Variants in SLC26A3 observed in about 807,000 individuals in gnomAD.
The protein encoded by SLC26A3 is solute carrier family 26 member 3, also known as chloride anion exchanger.
Under a neutral mutation model 85.6 loss-of-function variants are expected in SLC26A3, and 64 were observed. The observed-to-expected ratio is 0.75, with a 90% CI of 0.61 to 0.92. The LOEUF is 0.92. Ranked by LOEUF, SLC26A3 falls within the 40% of genes least tolerant of loss-of-function variation. SLC26A3 has a pLI of 0.00. For missense variants in SLC26A3, 922 were observed against 927.3 expected, an observed-to-expected ratio of 0.99 and a Z score of 0.07; for synonymous variants, 349 against 336.0, an observed-to-expected ratio of 1.04 and a Z score of -0.42.
In SLC26A3 at chr7:107,782,746, G is replaced by A. The variant is rs755884815; in HGVS notation, c.1311+51C>T. 4.0e-6 allele frequency: 6 copies of A among 1,511,770 alleles called. No homozygotes were observed. The South Asian group carries it at 4.5e-5, about 11-fold the overall frequency. The allele number at this position is 1,511,770 out of a possible 1,614,324, so 93.6% of individuals were successfully genotyped here. ...TGTGCTTTCAGAATTTAAGAACCGG[G>A]GTCCTTGATTTACCACTAAAAGTAG... On this transcript the variant is annotated intron_variant, in intron 11 of 20. Transcript: ENST00000340010.
intron 8 of SLC26A3, 56 bp downstream of exon 8, chr7:107,786,771 C>T (rs1240071123): frequency 3.5e-6 from 5 of 1,415,892 alleles, no homozygotes; most frequent in Non-Finnish European, 5.0e-6. Context: ...TCTCCTGTCA[C>T]TACTGCTAAC....
chr7:107,797,739 C>CATTTT, intron 1 of SLC26A3, among the ~76,000 whole-genome samples: 1 of 70,536 alleles, frequency 1.4e-5, no homozygotes, highest in African/African-American at 8.3e-5. Context: ...TTGAGCAGGA[C>CATTTT]CTTTTTTTTT....
At position 107,765,721 on chromosome 7, in the gene SLC26A3, T is replaced by A; in HGVS notation, c.*134A>T. 1.4e-6 allele frequency: 1 copy of A among 691,558 alleles called. No homozygotes were observed. The allele number at this position is 691,558 out of a possible 1,614,324, so 42.8% of individuals were successfully genotyped here. ...TGAAAAATATGCCATGCTAGAACCA[T>A]CTTGTTCCAAAGTTTGAAACATATT... On this transcript the variant is annotated 3_prime_UTR_variant, in exon 21 of 21. Transcript: ENST00000340010.
chr7:107,766,968 A>G (rs1271761545), intron 20 of SLC26A3, among the ~76,000 whole-genome samples: 3 of 151,924 alleles, frequency 2.0e-5, no homozygotes, highest in Non-Finnish European at 2.9e-5. Flanking sequence ...CCTGCCATCT[A>G]CCTGGCCTAC....
chr7:107,782,736 T>A, intron 11 of SLC26A3, 61 bp downstream of exon 11: 1 of 1,481,640 alleles, frequency 6.7e-7, no homozygotes, highest in Non-Finnish European at 9.4e-7. Flanking sequence ...TTTCAGAATT[T>A]AAGAACCGGG....
At chr7:107,768,096 A>G (rs759340224) in intron 18 of SLC26A3, among the ~76,000 whole-genome samples, 188 bp from the exon 19 acceptor site, 7 of 152,204 alleles carry the variant, frequency 4.6e-5, no homozygotes, top group East Asian at 1.9e-4. Flanking sequence ...ACTAACAAAT[A>G]CCTTTCTAAT....
In SLC26A3 at chr7:107,791,583, A is replaced by G. The variant is rs941406581; in HGVS notation, c.382+247T>C. On this transcript the variant is annotated intron_variant, in intron 4 of 20. Transcript: ENST00000340010. ...GCTGAGATCGTGCCACTGCACTCCA[A>G]CCTGGGCCACAAGAGCAAAACTCCG... Among the ~76,000 whole-genome samples, 7 of 152,126 alleles carry G rather than the reference A, an allele frequency of 4.6e-5. 1 individual carries two copies. The South Asian group carries it at 6.2e-4, about 14-fold the overall frequency.
chr7:107,791,840 G>C lies in SLC26A3; in HGVS notation c.372C>G (p.His124Gln). 1.9e-6 allele frequency: 3 copies of C among 1,604,458 alleles called. No homozygotes were observed. Among genetic ancestry groups the C allele is most frequent in the Non-Finnish European group, 2.6e-6 (3 of 1,171,306 alleles). ...IIYLFFGTSRHISVGPFPILS... is the reference protein window; with the variant it reads ...IIYLFFGTSRQISVGPFPILS... ...CAGTAACTGACTTACCCACGGATAT[G>C]TGTCTGGAAGTGCCGAAGAAAAGGT... is the stretch of plus-strand genomic sequence containing the variant. The change falls in exon 4 of 21, where the codon CAC (histidine) becomes CAG (glutamine). Residue 124 changes from histidine to glutamine, a missense_variant. Coordinates refer to ENST00000340010, the MANE Select transcript of SLC26A3 (RefSeq NM_000111.3).
chr7:107,769,923 A>G lies in SLC26A3; in HGVS notation c.2063-2015T>C, dbSNP rs373498939. On this transcript the variant is annotated intron_variant, in intron 18 of 20. Transcript: ENST00000340010. ...TCACTTCGTTCTAGTCTGTACTCAA[A>G]ATGTCATATTGCTGGACATCCCTGA... 1.3e-4 allele frequency among the ~76,000 whole-genome samples: 19 copies of G among 151,592 alleles called. No individual in the cohort carries two copies. In the East Asian group the frequency reaches 3.5e-3, roughly 28 times the overall value.
At chr7:107,788,784 C>CTTT (rs71861759) in intron 6 of SLC26A3, among the ~76,000 whole-genome samples, 5 of 108,064 alleles carry the variant, frequency 4.6e-5, no homozygotes, top group Admixed American at 1.1e-4. Context: ...TTTTTCTTTT[C>CTTT]TTTTTTTTTT....
At position 107,783,366 on chromosome 7, in the gene SLC26A3, T is replaced by G. The variant is rs188133558; in HGVS notation, c.972-14A>C. The G allele has an allele frequency of 2.2e-4, 362 of 1,614,074 alleles. 2 individuals are homozygous for G. The East Asian group carries it at 6.8e-3, about 30-fold the overall frequency. ...GGGGGCTGAAATCTAAAATTGAAAT[T>G]AAGCAAGTCTGAATGTCACCAACCA... On this transcript the variant is annotated splice_polypyrimidine_tract_variant and intron_variant, in intron 8 of 20. Transcript: ENST00000340010.
At chr7:107,773,611 T>C (rs1794060828) in intron 17 of SLC26A3, among the ~76,000 whole-genome samples, 1 of 152,208 alleles carries the variant, frequency 6.6e-6, no homozygotes, top group African/African-American at 2.4e-5. Flanking sequence ...AGTGCAGTGG[T>C]GCAATTTCGG....
At chr7:107,771,777 C>T (rs1019607575) in intron 18 of SLC26A3, among the ~76,000 whole-genome samples, 11 of 152,130 alleles carry the variant, frequency 7.2e-5, no homozygotes, top group Non-Finnish European at 1.5e-4. Flanking sequence ...AACAAGGCTA[C>T]CTTTTCAGGA....
chr7:107,776,537 T>TC lies in SLC26A3; in HGVS notation c.1591dup (p.Glu531GlyfsTer23), dbSNP rs1415587803. ...TCTGAAAATTTTCACTCCTTCTGGCTCATACATCTGTAAGGCAGAGAAGCA... is the reference window on the plus strand; with the variant it reads ...TCTGAAAATTTTCACTCCTTCTGGCTCCATACATCTGTAAGGCAGAGAAGCA... On this transcript the variant is annotated frameshift_variant, in exon 15 of 21. Coordinates refer to ENST00000340010, the MANE Select transcript of SLC26A3 (RefSeq NM_000111.3). LOFTEE classifies it high-confidence loss of function. The TC allele has an allele frequency of 1.2e-6, 2 of 1,613,870 alleles. No individual in the cohort carries two copies. Among genetic ancestry groups the TC allele is most frequent in the Admixed American group, 1.7e-5 (1 of 60,034 alleles).
At chr7:107,786,462 T>C (rs1217394329) in intron 8 of SLC26A3, among the ~76,000 whole-genome samples, 1 of 152,068 alleles carries the variant, frequency 6.6e-6, no homozygotes, top group Non-Finnish European at 1.5e-5. Flanking sequence ...GGGTCTGGCC[T>C]TACTTTGCTT....
chr7:107,799,670 G>A (rs1794569887), intron 1 of SLC26A3, among the ~76,000 whole-genome samples: 1 of 152,188 alleles, frequency 6.6e-6, no homozygotes, highest in Non-Finnish European at 1.5e-5. Flanking sequence ...GGGATTACAG[G>A]CGTGAGCACC....
At chr7:107,798,910 A>G (rs1417519359) in intron 1 of SLC26A3, among the ~76,000 whole-genome samples, 1 of 152,196 alleles carries the variant, frequency 6.6e-6, no homozygotes. Flanking sequence ...CGTCCTGATA[A>G]CTATACTTGG....
chr7:107,797,354 C>T lies in SLC26A3; in HGVS notation c.-88-2757G>A, dbSNP rs374953640. 1.4e-3 allele frequency among the ~76,000 whole-genome samples: 209 copies of T among 152,188 alleles called. 2 individuals are homozygous for T. The highest frequency in any genetic ancestry group is 9.8e-3 in the East Asian group (51 of 5,182). ...ACTAAAAATACAAAAATTAGCCAGG[C>T]GTGGTGGCGGGCACCTGTAATCTGA... On this transcript the variant is annotated intron_variant, in intron 1 of 20. Transcript: ENST00000340010.
At chr7:107,783,416 G>T in intron 8 of SLC26A3, 64 bp from the exon 9 acceptor site, 1 of 1,580,154 alleles carries the variant, frequency 6.3e-7, no homozygotes, top group Non-Finnish European at 8.7e-7. Context: ...ATAACCATTG[G>T]GCAAATCAAT....
Sources: gnomAD v4.1 joint callset for allele counts (sites outside exome capture counted in the v4.1 genomes callset) on GRCh38, gnomAD v4.1.1 for gene constraint, MANE v1.5 for transcripts, NCBI Gene and HGNC (gene_info 2026-07-23, HGNC 2026-07-21) for gene names.